The following KCNH8 variants were observed in gnomAD, a reference collection of about 807,000 sequenced individuals.
The protein encoded by KCNH8 is potassium voltage-gated channel subfamily H member 8.
A neutral mutation model predicts 103.6 loss-of-function variants in KCNH8; 70 were observed. That is an observed-to-expected ratio of 0.68 (90% CI 0.56 to 0.82). KCNH8 has a LOEUF of 0.82. KCNH8 is among the 40% of genes least tolerant of loss of function. The pLI, the probability that KCNH8 is intolerant of heterozygous loss-of-function variation, is 0.00. For missense variants in KCNH8, 1,217 were observed against 1,329.9 expected (o/e 0.92, Z 1.32); for synonymous variants, 498 against 489.4 (o/e 1.02, Z -0.23).
chr3:19,324,112 G>A (rs181578217), intron 3 of KCNH8, among the ~76,000 whole-genome samples: 20 of 152,064 alleles, frequency 1.3e-4, no homozygotes, highest in Admixed American at 1.3e-4. Context: ...GTAGAGAAAG[G>A]CCATCCAATG....
intron 3 of KCNH8, among the ~76,000 whole-genome samples, chr3:19,291,210 AT>A (rs1181105387): frequency 2.6e-5 from 4 of 152,052 alleles, no homozygotes; most frequent in African/African-American, 9.7e-5. Context: ...GGATTCATTG[AT>A]TTTTTGAAGG....
chr3:19,434,088 C>T (rs577128694), intron 7 of KCNH8, among the ~76,000 whole-genome samples: 1 of 152,264 alleles, frequency 6.6e-6, no homozygotes, highest in African/African-American at 2.4e-5. Flanking sequence ...TACACAGGTG[C>T]TCTCTGTACA....
At chr3:19,238,411 C>A (rs1051870179) in intron 1 of KCNH8, among the ~76,000 whole-genome samples, 1 of 152,030 alleles carries the variant, frequency 6.6e-6, no homozygotes, top group Admixed American at 6.6e-5. Context: ...GTAGACTAGA[C>A]AATGGTAAAA....
At chr3:19,275,222 G>T (rs1421266745) in intron 2 of KCNH8, among the ~76,000 whole-genome samples, 1 of 151,962 alleles carries the variant, frequency 6.6e-6, no homozygotes, top group Non-Finnish European at 1.5e-5. Context: ...TATTCTGCCA[G>T]TGTTTTTTCA....
intron 1 of KCNH8, among the ~76,000 whole-genome samples, chr3:19,242,927 G>A (rs1042688733): frequency 3.4e-4 from 52 of 152,288 alleles, no homozygotes; most frequent in African/African-American, 1.2e-3. Context: ...GATCCTAGCT[G>A]TAGTTCACCT....
intron 11 of KCNH8, among the ~76,000 whole-genome samples, chr3:19,500,990 TG>T (rs1390143359): frequency 1.3e-4 from 20 of 152,208 alleles, no homozygotes; most frequent in Admixed American, 5.9e-4. Context: ...ATCCAGGAGC[TG>T]GTTTTTTGAA....
intron 3 of KCNH8, among the ~76,000 whole-genome samples, chr3:19,316,927 A>G (rs962696421): frequency 6.6e-6 from 1 of 151,898 alleles, no homozygotes; most frequent in Non-Finnish European, 1.5e-5. Context: ...AATTGGATGA[A>G]TAGGCGGAAT....
chr3:19,306,708 T>G (rs1644933963), intron 3 of KCNH8, among the ~76,000 whole-genome samples: 1 of 152,114 alleles, frequency 6.6e-6, no homozygotes, highest in Admixed American at 6.6e-5. Flanking sequence ...GCCAGAATTA[T>G]TGTTCCATCT....
chr3:19,304,480 A>C (rs1230513670), intron 3 of KCNH8, among the ~76,000 whole-genome samples: 1 of 152,118 alleles, frequency 6.6e-6, no homozygotes, highest in African/African-American at 2.4e-5. Context: ...GATAAGAATA[A>C]ATACGATATT....
chr3:19,436,570 T>C (rs2067202918), intron 7 of KCNH8, among the ~76,000 whole-genome samples: 1 of 152,200 alleles, frequency 6.6e-6, no homozygotes, highest in Non-Finnish European at 1.5e-5. Flanking sequence ...TGCTTCTGCT[T>C]CATCAGCTGT....
chr3:19,185,078 C>T (rs1229209883), intron 1 of KCNH8, among the ~76,000 whole-genome samples: 1 of 150,992 alleles, frequency 6.6e-6, no homozygotes, highest in Non-Finnish European at 1.5e-5. Context: ...ATTCATAATA[C>T]TGCTATGAAC....
rs143168298 is a variant in KCNH8, at chr3:19,320,913, G to C, written c.443-21674G>C. 8.7e-4 allele frequency among the ~76,000 whole-genome samples: 132 copies of C among 151,746 alleles called. 1 individual carries two copies. Among genetic ancestry groups the C allele is most frequent in the African/African-American group, 3.1e-3 (128 of 41,422 alleles). The stretch of plus-strand genomic sequence containing the variant: ...TTTCTTCCTGGTTTAATCTACGAGG[G>C]TTGCATATTTCCAGGAATTTATTCA... On this transcript the variant is annotated intron_variant, in intron 3 of 15. Coordinates refer to ENST00000328405, the MANE Select transcript of KCNH8 (RefSeq NM_144633.3).
chr3:19,393,248 C>G lies in KCNH8; in HGVS notation c.970-1856C>G, dbSNP rs17005904. Among the ~76,000 whole-genome samples, 900 of 152,170 alleles carry G rather than the reference C, an allele frequency of 5.9e-3. 12 individuals are homozygous for G. Among genetic ancestry groups the G allele is most frequent in the African/African-American group, 0.02 (829 of 41,556 alleles). The stretch of plus-strand genomic sequence containing the variant: ...TCTAAGTCAAATATGCTTCTTTCTC[C>G]TGTCATTCTTCAAGAGAAAACATTA... On this transcript the variant is annotated intron_variant, in intron 6 of 15. Transcript: ENST00000328405.
chr3:19,323,248 G>A (rs1245440469), intron 3 of KCNH8, among the ~76,000 whole-genome samples: 1 of 152,060 alleles, frequency 6.6e-6, no homozygotes, highest in African/African-American at 2.4e-5. Flanking sequence ...AAGAGATCGA[G>A]ACCATCCTGG....
intron 1 of KCNH8, among the ~76,000 whole-genome samples, chr3:19,181,224 G>T (rs960101888): frequency 2.6e-5 from 4 of 152,156 alleles, no homozygotes; most frequent in African/African-American, 9.7e-5. Flanking sequence ...GGAAAATTGA[G>T]CCCAGAAGGA....
chr3:19,192,570 T>C (rs974634522), intron 1 of KCNH8, among the ~76,000 whole-genome samples: 1 of 151,730 alleles, frequency 6.6e-6, no homozygotes, highest in Non-Finnish European at 1.5e-5. Flanking sequence ...ACCAGTGCTC[T>C]TTTGTATTTA....
At chr3:19,249,878 A>G (rs2064253727) in intron 1 of KCNH8, among the ~76,000 whole-genome samples, 1 of 152,148 alleles carries the variant, frequency 6.6e-6, no homozygotes, top group Non-Finnish European at 1.5e-5. Context: ...AATGATCTAC[A>G]GGTATTTATT....
At chr3:19,163,216 C>T (rs2063250671) in intron 1 of KCNH8, among the ~76,000 whole-genome samples, 1 of 150,812 alleles carries the variant, frequency 6.6e-6, no homozygotes, top group Admixed American at 6.6e-5. Flanking sequence ...TTAAATATGA[C>T]AAAATATAAT....
At chr3:19,239,365 G>A (rs955239418) in intron 1 of KCNH8, among the ~76,000 whole-genome samples, 1 of 152,158 alleles carries the variant, frequency 6.6e-6, no homozygotes, top group East Asian at 1.9e-4. Flanking sequence ...AGGTAGAAGA[G>A]CATAATGGCC....
Sources: allele counts gnomAD v4.1 joint callset (sites outside exome capture counted in the v4.1 genomes callset), GRCh38; gene constraint gnomAD v4.1.1; transcripts MANE v1.5; gene names NCBI Gene and HGNC (gene_info 2026-07-23, HGNC 2026-07-21).